TMEM117: variants seen among roughly 807,000 people sequenced by gnomAD.
TMEM117 encodes transmembrane protein 117.
TMEM117 carries 27 observed loss-of-function variants against 52.4 expected under a neutral mutation model. The observed-to-expected ratio is 0.51, with a 90% confidence interval of 0.38 to 0.71. TMEM117 has a LOEUF of 0.71. Ranked by LOEUF, TMEM117 falls within the 30% of genes least tolerant of loss-of-function variation. The pLI is 0.00. For synonymous variants in TMEM117, 215 were observed against 206.3 expected, an observed-to-expected ratio of 1.04 and a Z score of -0.36; for missense variants, 556 against 630.5, an observed-to-expected ratio of 0.88 and a Z score of 1.26.
chr12:44,011,790 T>C (rs1404524227), intron 3 of TMEM117, among the ~76,000 whole-genome samples: 1 of 152,196 alleles, frequency 6.6e-6, no homozygotes, highest in African/African-American at 2.4e-5. Context: ...ACATAGTTTC[T>C]CTCTCAGAAT....
At chr12:44,151,980 T>C (rs924996959) in intron 4 of TMEM117, among the ~76,000 whole-genome samples, 5 of 114,718 alleles carry the variant, frequency 4.4e-5, no homozygotes, top group African/African-American at 2.0e-4. Context: ...AGTATATATT[T>C]ATATATAAAC....
intron 6 of TMEM117, among the ~76,000 whole-genome samples, chr12:44,360,849 A>C (rs1951711897): frequency 6.6e-6 from 1 of 152,124 alleles, no homozygotes; most frequent in African/African-American, 2.4e-5. Flanking sequence ...CTTTTTATCT[A>C]TTGTATGGTT....
rs1291794470 is a variant in TMEM117 at position 44,131,880 on chromosome 12, G to T, written c.411-11645G>T. 2.0e-5 allele frequency among the ~76,000 whole-genome samples: 3 copies of T among 151,982 alleles called. No homozygotes were observed. In the South Asian group the frequency reaches 6.2e-4, roughly 32 times the overall value. The stretch of plus-strand genomic sequence containing the variant: ...ATATAATTGAATTTTTACTTTGCAG[G>T]TCTGAAAAATATCTTTATTCTGTTC... On this transcript the variant is annotated intron_variant, in intron 3 of 7. Coordinates refer to ENST00000266534, the MANE Select transcript of TMEM117 (RefSeq NM_032256.3).
chr12:44,018,662 A>T (rs1242083852), intron 3 of TMEM117, among the ~76,000 whole-genome samples: 2 of 151,526 alleles, frequency 1.3e-5, no homozygotes, highest in African/African-American at 4.8e-5. Context: ...TCAATATTTT[A>T]TCCAGAAAGT....
intron 2 of TMEM117, among the ~76,000 whole-genome samples, chr12:43,845,755 A>G (rs999865209): frequency 6.6e-6 from 1 of 150,568 alleles, no homozygotes; most frequent in Non-Finnish European, 1.5e-5. Context: ...AAGTGTTGTC[A>G]TTGTTCAGCT....
chr12:44,353,331 T>C (rs925603054), intron 6 of TMEM117, among the ~76,000 whole-genome samples: 3 of 152,212 alleles, frequency 2.0e-5, no homozygotes, highest in Admixed American at 6.6e-5. Flanking sequence ...TTGTCTTTGG[T>C]TGCCATTGCT....
chr12:43,990,262 C>G (rs1565782911), intron 3 of TMEM117, among the ~76,000 whole-genome samples: 2 of 152,134 alleles, frequency 1.3e-5, no homozygotes, highest in Non-Finnish European at 2.9e-5. Flanking sequence ...TAGATGAGCA[C>G]AGGAATTGAG....
At chr12:44,273,220 G>T (rs535179495) in intron 5 of TMEM117, among the ~76,000 whole-genome samples, 6 of 152,002 alleles carry the variant, frequency 3.9e-5, no homozygotes, top group African/African-American at 7.2e-5. Context: ...AGGACCTGTT[G>T]TGGGGTGGAG....
intron 6 of TMEM117, among the ~76,000 whole-genome samples, chr12:44,311,305 A>G (rs1005901790): frequency 6.6e-6 from 1 of 152,186 alleles, no homozygotes; most frequent in African/African-American, 2.4e-5. Flanking sequence ...AATAAGGTCT[A>G]AAGCAGAGAA....
intron 3 of TMEM117, among the ~76,000 whole-genome samples, chr12:43,981,545 C>T (rs73085767): frequency 0.07 from 10,598 of 152,046 alleles, 479 homozygotes; most frequent in African/African-American, 0.12. Context: ...TAGAAGTGTT[C>T]GAGAAACTGT....
intron 5 of TMEM117, among the ~76,000 whole-genome samples, chr12:44,237,773 T>C (rs1209837483): frequency 6.6e-6 from 1 of 152,092 alleles, no homozygotes; most frequent in Non-Finnish European, 1.5e-5. Flanking sequence ...TAATCATCAT[T>C]ATCTGATATA....
chr12:44,096,164 A>C (rs551459892), intron 3 of TMEM117, among the ~76,000 whole-genome samples: 1 of 152,344 alleles, frequency 6.6e-6, no homozygotes, highest in East Asian at 1.9e-4. Context: ...AAGGGACATG[A>C]AGGACTTCTT....
chr12:43,858,173 A>G lies in TMEM117; in HGVS notation c.277+13245A>G, dbSNP rs185519262. On this transcript the variant is annotated intron_variant, in intron 2 of 7. Coordinates refer to ENST00000266534, the MANE Select transcript of TMEM117 (RefSeq NM_032256.3). ...TGGCTGTGACCCAGAGTTATTGTTG[A>G]TGGGTAAATAGAAATGTACAGGGTT... 4.2e-4 allele frequency among the ~76,000 whole-genome samples: 64 copies of G among 152,258 alleles called. No individual in the cohort carries two copies. In the Middle Eastern group the frequency reaches 0.017, roughly 40 times the overall value.
chr12:43,830,087 C>CAAA, the TMEM117 span, among the ~76,000 whole-genome samples: 3 of 72,508 alleles, frequency 4.1e-5, no homozygotes, highest in East Asian at 1.4e-3. Flanking sequence ...GACTCTGTCT[C>CAAA]AAAAAAAAAA....
chr12:44,047,848 A>G (rs764396776), intron 3 of TMEM117, among the ~76,000 whole-genome samples: 1 of 152,146 alleles, frequency 6.6e-6, no homozygotes, highest in African/African-American at 2.4e-5. Flanking sequence ...TTCCTTTTGC[A>G]CCAATTTATT....
chr12:43,844,620 A>G lies in TMEM117; in HGVS notation c.-28-4A>G, dbSNP rs1196740047. ...TCTAACCCTATCTATCTTTTCTTAT[A>G]CAGGTAAACTACGAACTGGGAGTTC... is the stretch of plus-strand genomic sequence containing the variant. On this transcript the variant is annotated splice_region_variant and splice_polypyrimidine_tract_variant and intron_variant, in intron 1 of 7. Transcript: ENST00000266534. 5.6e-6 allele frequency: 9 copies of G among 1,597,488 alleles called. No homozygotes were observed. In the African/African-American group the frequency reaches 6.8e-5, roughly 12 times the overall value.
intron 3 of TMEM117, among the ~76,000 whole-genome samples, chr12:44,118,831 AC>A (rs1338459784): frequency 6.6e-6 from 1 of 152,136 alleles, no homozygotes; most frequent in African/African-American, 2.4e-5. Flanking sequence ...AAATCCTGTT[AC>A]CCTTTGTCAC....
intron 2 of TMEM117, among the ~76,000 whole-genome samples, chr12:43,856,994 T>C (rs1178130908): frequency 7.2e-5 from 11 of 152,228 alleles, no homozygotes; most frequent in Admixed American, 7.2e-4. Context: ...ATCTTATTAC[T>C]TTGTGTTCCT....
At chr12:44,369,432 A>G (rs1293973763) in intron 6 of TMEM117, among the ~76,000 whole-genome samples, 3 of 152,108 alleles carry the variant, frequency 2.0e-5, no homozygotes, top group Non-Finnish European at 4.4e-5. Context: ...GGCTTGACTT[A>G]TTTGCTTTTT....
Sources: gnomAD v4.1 joint callset for allele counts (sites outside exome capture counted in the v4.1 genomes callset) on GRCh38, gnomAD v4.1.1 for gene constraint, MANE v1.5 for transcripts, NCBI Gene and HGNC (gene_info 2026-07-23, HGNC 2026-07-21) for gene names.